Variants in GNAQ observed in about 807,000 individuals in gnomAD.
GNAQ encodes the protein guanine nucleotide-binding protein G(q) subunit alpha.
In GNAQ, 8 loss-of-function variants were observed where a neutral mutation model predicts 43.9. That is an observed-to-expected ratio of 0.18 (90% confidence interval 0.11 to 0.33). GNAQ has a LOEUF of 0.33. Ranked by LOEUF, GNAQ falls within the 10% of genes least tolerant of loss-of-function variation. GNAQ has a pLI of 1.00. For synonymous variants in GNAQ, 155 were observed against 170.7 expected (o/e 0.91, Z 0.71); for missense variants, 158 against 450.8 (o/e 0.35, Z 5.88).
chr9:78,020,413 T>C (rs992070041), intron 1 of GNAQ, among the ~76,000 whole-genome samples: 7 of 152,204 alleles, frequency 4.6e-5, no homozygotes, highest in Admixed American at 3.9e-4. Flanking sequence ...GAGAGTTCTA[T>C]GCTCACCTAT....
chr9:77,985,234 A>G (rs889334561), intron 1 of GNAQ, among the ~76,000 whole-genome samples: 1 of 152,134 alleles, frequency 6.6e-6, no homozygotes, highest in Non-Finnish European at 1.5e-5. Flanking sequence ...AATGGCATGA[A>G]CCCAGGAGGC....
rs368818589 is a variant in GNAQ, at chr9:77,930,194, C to A, written c.137-7849G>T. Among the ~76,000 whole-genome samples the A allele has an allele frequency of 1.1e-4, 17 of 152,232 alleles. No homozygotes were observed. In the East Asian group the frequency reaches 2.7e-3, roughly 24 times the overall value. ...CAGCTGACACATCCACAGACCCATC[C>A]CCCACCTCACTTTTGAAAAGACTAT... On this transcript the variant is annotated intron_variant, in intron 1 of 6. Coordinates refer to ENST00000286548, the MANE Select transcript of GNAQ (RefSeq NM_002072.5).
intron 1 of GNAQ, among the ~76,000 whole-genome samples, chr9:77,962,014 TTAAAAA>T (rs1444814178): frequency 6.6e-6 from 1 of 151,720 alleles, no homozygotes; most frequent in African/African-American, 2.4e-5. Context: ...CTTCTGGCAA[TTAAAAA>T]TACAGTATCT....
At position 77,799,188 on chromosome 9, in the gene GNAQ, A is replaced by C. The variant is rs1826705242; in HGVS notation, c.477-1540T>G. On this transcript the variant is annotated intron_variant, in intron 3 of 6. Coordinates refer to ENST00000286548, the MANE Select transcript of GNAQ (RefSeq NM_002072.5). Reference sequence around the variant, plus strand: ...GGATGGGGCACAGACATGGCTTCAAAACACACAACTACAAAGTATATGCAC... The same window carrying C: ...GGATGGGGCACAGACATGGCTTCAACACACACAACTACAAAGTATATGCAC... 2.6e-5 allele frequency among the ~76,000 whole-genome samples: 4 copies of C among 152,342 alleles called. No homozygotes were observed. The South Asian group carries it at 8.3e-4, about 32-fold the overall frequency.
chr9:77,739,215 G>T (rs553398575), intron 5 of GNAQ, among the ~76,000 whole-genome samples: 115 of 152,224 alleles, frequency 7.6e-4, no homozygotes, highest in Admixed American at 1.5e-3. Flanking sequence ...GGCATGAAAT[G>T]ACACATCAAG....
At chr9:77,739,160 G>A (rs1181622198) in intron 5 of GNAQ, among the ~76,000 whole-genome samples, 1 of 152,074 alleles carries the variant, frequency 6.6e-6, no homozygotes, top group African/African-American at 2.4e-5. Flanking sequence ...CCTCTTAAGC[G>A]GGAGAGCTAC....
chr9:77,932,378 TTTA>T (rs1337383965), intron 1 of GNAQ, among the ~76,000 whole-genome samples: 1 of 152,208 alleles, frequency 6.6e-6, no homozygotes, highest in East Asian at 1.9e-4. Flanking sequence ...GAGCAGATGA[TTTA>T]TTGATAGATG....
At chr9:78,030,141 TAA>T (rs1030561985) in intron 1 of GNAQ, among the ~76,000 whole-genome samples, 1 of 152,168 alleles carries the variant, frequency 6.6e-6, no homozygotes, top group Non-Finnish European at 1.5e-5. Flanking sequence ...CCAAAGACAT[TAA>T]AATGCTATCT....
chr9:77,933,569 C>G (rs1829184523), intron 1 of GNAQ, among the ~76,000 whole-genome samples: 1 of 151,694 alleles, frequency 6.6e-6, no homozygotes, highest in African/African-American at 2.4e-5. Flanking sequence ...CACTTGAGCC[C>G]AGGAGGCAGA....
At chr9:77,740,833 C>A (rs531830831) in intron 5 of GNAQ, among the ~76,000 whole-genome samples, 27 of 152,234 alleles carry the variant, frequency 1.8e-4, no homozygotes, top group African/African-American at 5.5e-4. Flanking sequence ...ATGCTAAGAG[C>A]ATTTTAGTGT....
At chr9:77,995,180 A>C (rs1489023931) in intron 1 of GNAQ, among the ~76,000 whole-genome samples, 2 of 152,232 alleles carry the variant, frequency 1.3e-5, no homozygotes, top group Admixed American at 6.5e-5. Context: ...ATTATTAATA[A>C]TACCCCCATT....
chr9:77,987,436 G>A (rs887334111), intron 1 of GNAQ, among the ~76,000 whole-genome samples: 2 of 152,160 alleles, frequency 1.3e-5, no homozygotes, highest in African/African-American at 4.8e-5. Context: ...CAGACACTCT[G>A]ATTCACTCTT....
intron 2 of GNAQ, among the ~76,000 whole-genome samples, chr9:77,833,914 A>G (rs558086001): frequency 1.3e-5 from 2 of 152,330 alleles, no homozygotes; most frequent in Admixed American, 1.3e-4. Flanking sequence ...ATGTAGGCAA[A>G]GACAGTTTCC....
intron 5 of GNAQ, among the ~76,000 whole-genome samples, chr9:77,785,340 G>A (rs1826458979): frequency 1.3e-5 from 2 of 152,180 alleles, no homozygotes; most frequent in African/African-American, 4.8e-5. Flanking sequence ...CTCCCCTAGA[G>A]CCTTCGGAGG....
intron 1 of GNAQ, among the ~76,000 whole-genome samples, chr9:77,960,577 G>T (rs540144886): frequency 3.3e-5 from 5 of 152,266 alleles, no homozygotes; most frequent in African/African-American, 1.2e-4. Flanking sequence ...AAGGCATGCC[G>T]CAGGGAGTCA....
chr9:77,783,544 C>CTT (rs1826430093), intron 5 of GNAQ, among the ~76,000 whole-genome samples: 1 of 152,064 alleles, frequency 6.6e-6, no homozygotes, highest in Admixed American at 6.5e-5. Context: ...CACGTTGGTC[C>CTT]CAACCTCTTC....
intron 1 of GNAQ, among the ~76,000 whole-genome samples, chr9:77,955,616 T>C (rs1442487914): frequency 1.3e-5 from 2 of 152,216 alleles, no homozygotes; most frequent in African/African-American, 2.4e-5. Context: ...AAAAGCTCAA[T>C]TCATTAAAAT....
intron 2 of GNAQ, among the ~76,000 whole-genome samples, chr9:77,897,944 A>G (rs201289606): frequency 0.33 from 19,597 of 58,660 alleles, 1,446 homozygotes; most frequent in South Asian, 0.48. Context: ...TTTCCCTGGA[A>G]AAAAAAAAAA....
intron 2 of GNAQ, among the ~76,000 whole-genome samples, chr9:77,910,598 G>C (rs1828784936): frequency 6.6e-6 from 1 of 152,008 alleles, no homozygotes; most frequent in Non-Finnish European, 1.5e-5. Flanking sequence ...GTTCGCTCAT[G>C]TGTTTGGACC....
Sources: gnomAD v4.1 joint callset for allele counts (sites outside exome capture counted in the v4.1 genomes callset) on GRCh38, gnomAD v4.1.1 for gene constraint, MANE v1.5 for transcripts, NCBI Gene and HGNC (gene_info 2026-07-23, HGNC 2026-07-21) for gene names.